Variants in PKHD1 observed in about 807,000 individuals in gnomAD.
PKHD1 encodes PKHD1 ciliary IPT domain containing fibrocystin/polyductin.
A neutral mutation model predicts 412.0 loss-of-function variants in PKHD1; 291 were observed. That is an observed-to-expected ratio of 0.71 (90% CI 0.64 to 0.78). The LOEUF is 0.78. PKHD1 is among the 30% of genes least tolerant of loss of function. The pLI is 0.00. For missense variants in PKHD1, 4,825 were observed against 4,950.7 expected (o/e 0.97, Z 0.76); for synonymous variants, 1,777 against 1,821.5 (o/e 0.98, Z 0.62).
At position 51,754,915 on chromosome 6, in the gene PKHD1, T is replaced by C; in HGVS notation, c.8666A>G (p.Asp2889Gly). Residue 2889 changes from aspartate to glycine, a missense_variant, in exon 56 of 67, where the codon GAT (aspartate) becomes GGT (glycine). By Grantham distance (94) the Asp-to-Gly change is moderately conservative. Coordinates refer to ENST00000371117, the MANE Select transcript of PKHD1 (RefSeq NM_138694.4). ...NERIIVEDAV[D>G]WRPHDKIVLS... Reference sequence around the variant, plus strand: ...GACTATTTTGTCATGGGGGCGCCAATCCACTGCATCTTCTACTATAATTCT... The same window carrying C: ...GACTATTTTGTCATGGGGGCGCCAACCCACTGCATCTTCTACTATAATTCT... 1.2e-6 allele frequency: 2 copies of C among 1,613,414 alleles called. No individual in the cohort carries two copies. Among genetic ancestry groups the C allele is most frequent in the South Asian group, 2.2e-5 (2 of 91,074 alleles).
intron 43 of PKHD1, among the ~76,000 whole-genome samples, chr6:51,890,373 G>A (rs9474108): frequency 0.12 from 18,550 of 151,654 alleles, 1,233 homozygotes; most frequent in Middle Eastern, 0.16. Flanking sequence ...CTTGTCACCC[G>A]GTCACGGACA....
At chr6:51,873,674 T>A (rs1159605271) in intron 46 of PKHD1, among the ~76,000 whole-genome samples, 1 of 152,152 alleles carries the variant, frequency 6.6e-6, no homozygotes, top group Non-Finnish European at 1.5e-5. Flanking sequence ...GGAAAGAAGC[T>A]AAAGGAGTTT....
chr6:51,644,518 C>G (rs1769823161), intron 63 of PKHD1, among the ~76,000 whole-genome samples: 1 of 152,156 alleles, frequency 6.6e-6, no homozygotes, highest in South Asian at 2.1e-4. Flanking sequence ...CAAGAAATAA[C>G]TGTAAAATCA....
chr6:51,852,448 C>A (rs1209202703), intron 49 of PKHD1, among the ~76,000 whole-genome samples: 1 of 152,064 alleles, frequency 6.6e-6, no homozygotes, highest in African/African-American at 2.4e-5. Context: ...TCAAGTCCTG[C>A]ATATCCTTGT....
intron 61 of PKHD1, among the ~76,000 whole-genome samples, chr6:51,656,271 C>T (rs936128685): frequency 2.0e-5 from 3 of 152,170 alleles, no homozygotes; most frequent in African/African-American, 7.2e-5. Flanking sequence ...TGTTCTCACT[C>T]ATAAGTGGGA....
At chr6:51,817,496 T>G (rs1202456104) in intron 52 of PKHD1, among the ~76,000 whole-genome samples, 3 of 152,172 alleles carry the variant, frequency 2.0e-5, no homozygotes, top group Admixed American at 6.5e-5. Context: ...GGAAGGGGAC[T>G]GGTGTGTCAG....
intron 53 of PKHD1, among the ~76,000 whole-genome samples, chr6:51,787,994 G>A (rs1793153769): frequency 6.6e-6 from 1 of 152,142 alleles, no homozygotes; most frequent in South Asian, 2.1e-4. Flanking sequence ...ATGGGCAAAT[G>A]GCAGTAATCT....
At chr6:52,013,027 C>T (rs534561644) in intron 34 of PKHD1, among the ~76,000 whole-genome samples, 1 of 152,028 alleles carries the variant, frequency 6.6e-6, no homozygotes, top group Non-Finnish European at 1.5e-5. Context: ...TTATGTGACC[C>T]CTTCTCATGG....
At chr6:51,921,762 T>C (rs1337168322) in intron 37 of PKHD1, among the ~76,000 whole-genome samples, 2 of 152,252 alleles carry the variant, frequency 1.3e-5, no homozygotes, top group East Asian at 1.9e-4. Flanking sequence ...TCTCATGCCA[T>C]GGTTTTCAGC....
At chr6:51,724,710 G>T (rs1782353603) in intron 60 of PKHD1, among the ~76,000 whole-genome samples, 3 of 152,182 alleles carry the variant, frequency 2.0e-5, no homozygotes, top group Admixed American at 2.0e-4. Flanking sequence ...ATAGAAAAGG[G>T]GACTTTGCAG....
intron 50 of PKHD1, among the ~76,000 whole-genome samples, chr6:51,839,937 C>G (rs1445158879): frequency 6.6e-6 from 1 of 151,994 alleles, no homozygotes; most frequent in Non-Finnish European, 1.5e-5. Context: ...CACCCTGACT[C>G]ATGACTTCTC....
chr6:51,679,389 CA>C (rs1439333896), intron 60 of PKHD1, among the ~76,000 whole-genome samples: 4 of 151,544 alleles, frequency 2.6e-5, no homozygotes, highest in African/African-American at 9.7e-5. Context: ...TTTCGTTTGA[CA>C]AGTGGTGAAA....
chr6:52,072,332 C>T lies in PKHD1; in HGVS notation c.528-143G>A, dbSNP rs554388268. The stretch of plus-strand genomic sequence containing the variant: ...CTGCACTATTGCAGGTGGCTGAAGG[C>T]GGATGTCAAGTCAAATTCTCAGCAG... On this transcript the variant is annotated intron_variant, in intron 7 of 66. Coordinates refer to ENST00000371117, the MANE Select transcript of PKHD1 (RefSeq NM_138694.4). 24 of 691,362 alleles carry T rather than the reference C, an allele frequency of 3.5e-5. No individual in the cohort carries two copies. The African/African-American group carries it at 3.5e-4, about 10-fold the overall frequency. 42.8% of individuals were successfully genotyped at this position (691,362 alleles called of 1,614,324 possible).
In PKHD1 at chr6:51,791,291, T is replaced by C. The variant is rs1793703081; in HGVS notation, c.8385A>G (p.Arg2795=). ...VMGTLDFPVD[R]SNVLSVACMV... ...TGCATGCCACACTCAGAACATTGCT[T>C]CTGTCCACAGGGAAGTCTAAGGTCC... Residue 2795 remains arginine (R), a synonymous_variant, in exon 53 of 67, where the codon AGA becomes AGG. Coordinates refer to ENST00000371117, the MANE Select transcript of PKHD1 (RefSeq NM_138694.4). 1 of 1,613,982 alleles carries C rather than the reference T, an allele frequency of 6.2e-7. No homozygotes were observed. The highest frequency in any genetic ancestry group is 8.5e-7 in the Non-Finnish European group (1 of 1,179,894).
intron 21 of PKHD1, among the ~76,000 whole-genome samples, chr6:52,052,595 C>A (rs763223159): frequency 1.4e-4 from 21 of 152,184 alleles, no homozygotes; most frequent in Non-Finnish European, 2.1e-4. Flanking sequence ...TTCCTTCCAG[C>A]ACCTGGTATG....
chr6:51,804,065 T>C (rs1389775017), intron 52 of PKHD1, among the ~76,000 whole-genome samples: 1 of 151,340 alleles, frequency 6.6e-6, no homozygotes, highest in African/African-American at 2.5e-5. Flanking sequence ...TTTTAGTATT[T>C]GCTTGTGATA....
chr6:51,795,453 T>C (rs1000568891), intron 52 of PKHD1, among the ~76,000 whole-genome samples: 2 of 152,328 alleles, frequency 1.3e-5, no homozygotes, highest in Admixed American at 1.3e-4. Flanking sequence ...TTTCAAGCTA[T>C]AGGATCATTT....
chr6:52,068,925 C>T (rs1810163059), intron 11 of PKHD1, among the ~76,000 whole-genome samples: 1 of 152,210 alleles, frequency 6.6e-6, no homozygotes, highest in South Asian at 2.1e-4. Flanking sequence ...GGCTGTGTGA[C>T]TGTATTCCAT....
chr6:52,053,187 G>C lies in PKHD1; in HGVS notation c.2029C>G (p.Pro677Ala), dbSNP rs145680497. 1.2e-6 allele frequency: 2 copies of C among 1,614,194 alleles called. No individual in the cohort carries two copies. The highest frequency in any genetic ancestry group is 2.7e-5 in the African/African-American group (2 of 75,052). ...ACCAGCACTGGGGAGTTTGCCGGAG[G>C]GGGCTGGAGATCCCCGAAGCAACGC... ...CVRCFGDLQP[P>A]PANSPVLVHQ... Residue 677 changes from proline to alanine, a missense_variant, in exon 21 of 67, where the codon CCT (proline) becomes GCT (alanine). Transcript: ENST00000371117.
Sources: gnomAD v4.1 joint callset for allele counts (sites outside exome capture counted in the v4.1 genomes callset) on GRCh38, gnomAD v4.1.1 for gene constraint, MANE v1.5 for transcripts, NCBI Gene and HGNC (gene_info 2026-07-23, HGNC 2026-07-21) for gene names.